Variants in OR6C74 observed in about 807,000 individuals in gnomAD.
OR6C74 encodes olfactory receptor 6C74.
For synonymous variants in OR6C74, 142 were observed against 134.2 expected (o/e 1.06, Z -0.40); for missense variants, 361 against 362.9 (o/e 0.99, Z 0.04).
At position 55,256,572 on chromosome 12, in the gene OR6C74, T is replaced by C. The variant is rs1045881914; in HGVS notation, c.*8346T>C. The stretch of plus-strand genomic sequence containing the variant: ...CTCTTATCTCTGTATACTGTACTTC[T>C]GCATACAGATGTTATGTTAAAGAAC... On this transcript the variant is annotated 3_prime_UTR_variant, in exon 2 of 2. Transcript: ENST00000343399. Among the ~76,000 whole-genome samples, 1 of 152,150 alleles carries C rather than the reference T, an allele frequency of 6.6e-6. No homozygotes were observed. The highest frequency in any genetic ancestry group is 6.6e-5 in the Admixed American group (1 of 15,256).
rs1256260004 is a variant in OR6C74, at chr12:55,252,691, T to A, written c.*4465T>A. On this transcript the variant is annotated 3_prime_UTR_variant, in exon 2 of 2. Coordinates refer to ENST00000343399, the MANE Select transcript of OR6C74 (RefSeq NM_001005490.2). ...TTTTTCCCATATTTTTAAAACACCA[T>A]CTGTTTTGGAACAGAGTAAGGGGGT... 6.6e-6 allele frequency among the ~76,000 whole-genome samples: 1 copy of A among 151,952 alleles called. No individual in the cohort carries two copies. Among genetic ancestry groups the A allele is most frequent in the Non-Finnish European group, 1.5e-5 (1 of 67,904 alleles).
rs1225166794 is a variant in OR6C74 at position 55,247,408 on chromosome 12, C to G, written c.121C>G (p.Leu41Val). 2.5e-6 allele frequency: 4 copies of G among 1,612,672 alleles called. No homozygotes were observed. The highest frequency in any genetic ancestry group is 3.4e-6 in the Non-Finnish European group (4 of 1,178,864). The change falls in exon 2 of 2, where the codon CTA (leucine) becomes GTA (valine). Residue 41 changes from leucine to valine, a missense_variant. Physicochemically the swap from Leu to Val is conservative, Grantham distance 32. Coordinates refer to ENST00000343399, the MANE Select transcript of OR6C74 (RefSeq NM_001005490.2). ...FTYMLSITGN[L>V]TIITLTLLDL... The stretch of plus-strand genomic sequence containing the variant: ...CTACATGTTGAGCATCACTGGGAAT[C>G]TAACCATCATCACTCTCACCCTACT...
In OR6C74 at chr12:55,249,943, C is replaced by T. The variant is rs567461748; in HGVS notation, c.*1717C>T. 3.3e-5 allele frequency among the ~76,000 whole-genome samples: 5 copies of T among 152,148 alleles called. No homozygotes were observed. Among genetic ancestry groups the T allele is most frequent in the East Asian group, 1.9e-4 (1 of 5,156 alleles). Reference sequence around the variant, plus strand: ...ACAGCAGGCCCCGGTGTGTGATGTTCGCCTTCCTGTGTCCAGGTGTTCTTA... The same window carrying T: ...ACAGCAGGCCCCGGTGTGTGATGTTTGCCTTCCTGTGTCCAGGTGTTCTTA... On this transcript the variant is annotated 3_prime_UTR_variant, in exon 2 of 2. Transcript: ENST00000343399.
Position 55,247,435 on chromosome 12 carries a change from G to T in OR6C74, c.148G>T (p.Asp50Tyr). 2 of 1,613,642 alleles carry T rather than the reference G, an allele frequency of 1.2e-6. No individual in the cohort carries two copies. The highest frequency in any genetic ancestry group is 2.2e-5 in the South Asian group (2 of 91,062). ...NLTIITLTLL[D>Y]LHLKTPMYFF... is the part of the protein sequence containing the mutation. Reference sequence around the variant, plus strand: ...AACCATCATCACTCTCACCCTACTGGATTTGCATCTCAAGACACCCATGTA... The same window carrying T: ...AACCATCATCACTCTCACCCTACTGTATTTGCATCTCAAGACACCCATGTA... The change falls in exon 2 of 2, where the codon GAT becomes TAT. Residue 50 changes from aspartate to tyrosine, a missense_variant. Coordinates refer to ENST00000343399, the MANE Select transcript of OR6C74 (RefSeq NM_001005490.2).
In OR6C74 at chr12:55,250,517, TG is replaced by T. The variant is rs1195615575; in HGVS notation, c.*2294del. 6.6e-6 allele frequency among the ~76,000 whole-genome samples: 1 copy of T among 152,046 alleles called. No individual in the cohort carries two copies. ...AAGAAACCCTAGGCCTAAGTTACGA[TG>T]GGAAAAGATTAGTGAAGATCATTTT... On this transcript the variant is annotated 3_prime_UTR_variant, in exon 2 of 2. Transcript: ENST00000343399.
rs905125846 is a variant in OR6C74 at position 55,255,494 on chromosome 12, A to G, written c.*7268A>G. On this transcript the variant is annotated 3_prime_UTR_variant, in exon 2 of 2. Coordinates refer to ENST00000343399, the MANE Select transcript of OR6C74 (RefSeq NM_001005490.2). ...TTCTACTATAAAGACACATGCACAC[A>G]TATGTTTATTGTGGCACTATTAGCA... Among the ~76,000 whole-genome samples the G allele has an allele frequency of 7.3e-6, 1 of 137,124 alleles. No homozygotes were observed. The highest frequency in any genetic ancestry group is 1.6e-5 in the Non-Finnish European group (1 of 64,216). 90.0% of individuals were successfully genotyped at this position (137,124 alleles called of 152,430 possible).
At chr12:55,245,131 GTTTGTTTTTGTT>G (rs1340053832) in intron 1 of OR6C74, among the ~76,000 whole-genome samples, 1 of 152,018 alleles carries the variant, frequency 6.6e-6, no homozygotes, top group Non-Finnish European at 1.5e-5. Context: ...ATTATAACTA[GTTTGTTTTTGTT>G]TTTGTTTTTT....
rs553311778 is a variant in OR6C74, at chr12:55,255,050, A to T, written c.*6824A>T. 7.9e-5 allele frequency among the ~76,000 whole-genome samples: 12 copies of T among 152,172 alleles called. No individual in the cohort carries two copies. In the East Asian group the frequency reaches 2.3e-3, roughly 29 times the overall value. On this transcript the variant is annotated 3_prime_UTR_variant, in exon 2 of 2. Coordinates refer to ENST00000343399, the MANE Select transcript of OR6C74 (RefSeq NM_001005490.2). ...TTTTAATATCATTCAGCCTTGAAAG[A>T]TCGAAATAATACCTCCCTCCAGGGC...
rs923424226 is a variant in OR6C74, at chr12:55,251,883, C to T, written c.*3657C>T. ...TGACATGGAGCTTGAGAAAAAATTGCTTATAAGAAAAATAAATGCTACCTT... is the reference window on the plus strand; with the variant it reads ...TGACATGGAGCTTGAGAAAAAATTGTTTATAAGAAAAATAAATGCTACCTT... On this transcript the variant is annotated 3_prime_UTR_variant, in exon 2 of 2. Transcript: ENST00000343399. Among the ~76,000 whole-genome samples the T allele has an allele frequency of 1.3e-5, 2 of 151,562 alleles. No individual in the cohort carries two copies. Among genetic ancestry groups the T allele is most frequent in the Non-Finnish European group, 3.0e-5 (2 of 67,746 alleles).
Position 55,250,984 on chromosome 12 carries a change from C to T in OR6C74, c.*2758C>T, listed in dbSNP as rs184039489. ...CATCCTCCACATTGCTAGTAGGATA[C>T]TTTCTAAAATACAAATCAGTCATGC... On this transcript the variant is annotated 3_prime_UTR_variant, in exon 2 of 2. Transcript: ENST00000343399. Among the ~76,000 whole-genome samples the T allele has an allele frequency of 2.5e-3, 383 of 152,180 alleles. 2 individuals carry two copies. Among genetic ancestry groups the T allele is most frequent in the Non-Finnish European group, 4.1e-3 (278 of 67,976 alleles).
In OR6C74 at chr12:55,253,725, G is replaced by A. The variant is rs956440555; in HGVS notation, c.*5499G>A. On this transcript the variant is annotated 3_prime_UTR_variant, in exon 2 of 2. Coordinates refer to ENST00000343399, the MANE Select transcript of OR6C74 (RefSeq NM_001005490.2). ...CCATGTTTCATTGATTTCACTGTACGATTTTCTTGGGAAAGGACCACATAT... is the reference window on the plus strand; with the variant it reads ...CCATGTTTCATTGATTTCACTGTACAATTTTCTTGGGAAAGGACCACATAT... Among the ~76,000 whole-genome samples, 7 of 152,076 alleles carry A rather than the reference G, an allele frequency of 4.6e-5. No individual in the cohort carries two copies. The highest frequency in any genetic ancestry group is 1.4e-4 in the African/African-American group (6 of 41,424).
rs1193679222 is a variant in OR6C74 at position 55,248,732 on chromosome 12, A to G, written c.*506A>G. 6.6e-6 allele frequency among the ~76,000 whole-genome samples: 1 copy of G among 152,310 alleles called. No homozygotes were observed. Among genetic ancestry groups the G allele is most frequent in the Non-Finnish European group, 1.5e-5 (1 of 68,020 alleles). On this transcript the variant is annotated 3_prime_UTR_variant, in exon 2 of 2. Transcript: ENST00000343399. Reference sequence around the variant, plus strand: ...TTTAATTACACAGTTTAATAGCTTCAATTTTTTTTAACCAGGCTTAGAGAT... The same window carrying G: ...TTTAATTACACAGTTTAATAGCTTCGATTTTTTTTAACCAGGCTTAGAGAT...
rs1384836871 is a variant in OR6C74 at position 55,254,012 on chromosome 12, A to C, written c.*5786A>C. Among the ~76,000 whole-genome samples, 3 of 152,080 alleles carry C rather than the reference A, an allele frequency of 2.0e-5. No homozygotes were observed. ...TTCATAATCTGTTGTTCACTACTAAAGTGCATCATGCAATATTGATAACTA... is the reference window on the plus strand; with the variant it reads ...TTCATAATCTGTTGTTCACTACTAACGTGCATCATGCAATATTGATAACTA... On this transcript the variant is annotated 3_prime_UTR_variant, in exon 2 of 2. Coordinates refer to ENST00000343399, the MANE Select transcript of OR6C74 (RefSeq NM_001005490.2).
In OR6C74 at chr12:55,254,145, G is replaced by A. The variant is rs1954327819; in HGVS notation, c.*5919G>A. Among the ~76,000 whole-genome samples the A allele has an allele frequency of 6.6e-6, 1 of 152,046 alleles. No homozygotes were observed. The highest frequency in any genetic ancestry group is 2.4e-5 in the African/African-American group (1 of 41,426). On this transcript the variant is annotated 3_prime_UTR_variant, in exon 2 of 2. Coordinates refer to ENST00000343399, the MANE Select transcript of OR6C74 (RefSeq NM_001005490.2). ...TGATCCATCATGTCCACTGAAATCA[G>A]GGAGTTCATTTTAACAAAAGCATCT...
rs950635884 is a variant in OR6C74 at position 55,254,837 on chromosome 12, T to A, written c.*6611T>A. 6.6e-6 allele frequency among the ~76,000 whole-genome samples: 1 copy of A among 152,120 alleles called. No homozygotes were observed. On this transcript the variant is annotated 3_prime_UTR_variant, in exon 2 of 2. Coordinates refer to ENST00000343399, the MANE Select transcript of OR6C74 (RefSeq NM_001005490.2). ...AGACTTGTAATATTCCATTTTCTTA[T>A]GGTTGCAGCACTTCTCAGACCTTTC... is the stretch of plus-strand genomic sequence containing the variant.
Position 55,249,016 on chromosome 12 carries a change from A to G in OR6C74, c.*790A>G, listed in dbSNP as rs530616597. 1.1e-4 allele frequency among the ~76,000 whole-genome samples: 16 copies of G among 152,294 alleles called. 1 individual carries two copies. In the South Asian group the frequency reaches 2.5e-3, roughly 24 times the overall value. Reference sequence around the variant, plus strand: ...AAAATAAATACCCAAGGATGACAAAAATGATGCCTTCATGTCCACTCACCG... The same window carrying G: ...AAAATAAATACCCAAGGATGACAAAGATGATGCCTTCATGTCCACTCACCG... On this transcript the variant is annotated 3_prime_UTR_variant, in exon 2 of 2. Transcript: ENST00000343399.
chr12:55,256,260 A>G lies in OR6C74; in HGVS notation c.*8034A>G, dbSNP rs1361981514. The stretch of plus-strand genomic sequence containing the variant: ...ACCCTTGTGTAGAGCCTATAAATGG[A>G]CGCATTGGGGGGGCACCTGTTCATA... On this transcript the variant is annotated 3_prime_UTR_variant, in exon 2 of 2. Coordinates refer to ENST00000343399, the MANE Select transcript of OR6C74 (RefSeq NM_001005490.2). Among the ~76,000 whole-genome samples, 2 of 151,746 alleles carry G rather than the reference A, an allele frequency of 1.3e-5. No individual in the cohort carries two copies. The highest frequency in any genetic ancestry group is 2.9e-5 in the Non-Finnish European group (2 of 67,908).
At position 55,248,117 on chromosome 12, in the gene OR6C74, C is replaced by T; in HGVS notation, c.830C>T (p.Thr277Ile). The T allele has an allele frequency of 6.2e-7, 1 of 1,613,842 alleles. No homozygotes were observed. Among genetic ancestry groups the T allele is most frequent in the Non-Finnish European group, 8.5e-7 (1 of 1,179,766 alleles). Residue 277 changes from threonine to isoleucine, a missense_variant, in exon 2 of 2, where the codon ACT becomes ATT. By Grantham distance (89) the Thr-to-Ile change is moderately conservative (BLOSUM62 -1). Coordinates refer to ENST00000343399, the MANE Select transcript of OR6C74 (RefSeq NM_001005490.2). ...AATAAAGGGATAGCTCTGCTCAGCA[C>T]TTCTGTTGCCCCCATGTTGAATCCC... ...SLNKGIALLS[T>I]SVAPMLNPFI...
chr12:55,256,373 T>G lies in OR6C74; in HGVS notation c.*8147T>G, dbSNP rs563156212. Among the ~76,000 whole-genome samples, 1 of 152,094 alleles carries G rather than the reference T, an allele frequency of 6.6e-6. No homozygotes were observed. The highest frequency in any genetic ancestry group is 1.5e-5 in the Non-Finnish European group (1 of 67,980). On this transcript the variant is annotated 3_prime_UTR_variant, in exon 2 of 2. Transcript: ENST00000343399. ...TAAGGCATACTCCCTTCTGATATTT[T>G]CCGGTCTAACCGGTTGTCTAGCTTC... is the stretch of plus-strand genomic sequence containing the variant.
Sources: gnomAD v4.1 joint callset for allele counts (sites outside exome capture counted in the v4.1 genomes callset) on GRCh38, gnomAD v4.1.1 for gene constraint, MANE v1.5 for transcripts, NCBI Gene and HGNC (gene_info 2026-07-23, HGNC 2026-07-21) for gene names.